The following SNTG1 variants were observed in gnomAD, a reference collection of about 807,000 sequenced individuals.
SNTG1 encodes syntrophin gamma 1.
SNTG1 carries 39 observed loss-of-function variants against 74.7 expected under a neutral mutation model. The ratio of observed to expected loss-of-function variants is 0.52; its 90% confidence interval spans 0.40 to 0.68. SNTG1 has a LOEUF of 0.68. Ranked by LOEUF, SNTG1 falls within the 30% of genes least tolerant of loss-of-function variation. SNTG1 has a pLI of 0.00. For synonymous variants in SNTG1, 254 were observed against 217.1 expected (o/e 1.17, Z -1.49); for missense variants, 685 against 609.5 (o/e 1.12, Z -1.30).
chr8:49,979,831 C>T (rs1445214970), intron 1 of SNTG1, among the ~76,000 whole-genome samples: 1 of 152,276 alleles, frequency 6.6e-6, no homozygotes, highest in African/African-American at 2.4e-5. Flanking sequence ...GCTGTGCGTG[C>T]GTGTGTGTGC....
intron 2 of SNTG1, among the ~76,000 whole-genome samples, chr8:50,383,003 A>C (rs555911323): frequency 6.6e-5 from 10 of 152,308 alleles, no homozygotes; most frequent in Non-Finnish European, 1.2e-4. Context: ...CATTATTGGG[A>C]ATAATCTCCT....
At chr8:50,699,406 A>G (rs1043615493) in intron 15 of SNTG1, among the ~76,000 whole-genome samples, 15 of 152,182 alleles carry the variant, frequency 9.9e-5, no homozygotes, top group African/African-American at 3.6e-4. Flanking sequence ...TGGGGTCCCA[A>G]TATTTGATTT....
chr8:50,205,451 C>T (rs1470156135), intron 2 of SNTG1, among the ~76,000 whole-genome samples: 2 of 152,052 alleles, frequency 1.3e-5, no homozygotes, highest in African/African-American at 2.4e-5. Flanking sequence ...TGTTTAAGTT[C>T]TTTGTAGATT....
intron 8 of SNTG1, among the ~76,000 whole-genome samples, chr8:50,474,693 G>C (rs1417479960): frequency 6.6e-6 from 1 of 152,074 alleles, no homozygotes; most frequent in Admixed American, 6.6e-5. Context: ...TCTAGAACTA[G>C]AAATACCATT....
At chr8:50,370,578 C>T (rs990281990) in intron 2 of SNTG1, among the ~76,000 whole-genome samples, 3 of 149,448 alleles carry the variant, frequency 2.0e-5, no homozygotes, top group Non-Finnish European at 4.4e-5. Context: ...GTAGTCTCCT[C>T]GCCCTTTCAC....
chr8:50,513,777 G>A (rs1262976067), intron 9 of SNTG1, among the ~76,000 whole-genome samples: 1 of 152,212 alleles, frequency 6.6e-6, no homozygotes, highest in African/African-American at 2.4e-5. Context: ...TGCAGTATTA[G>A]GGTGGGAGTG....
chr8:50,289,075 C>T (rs2088944688), intron 2 of SNTG1, among the ~76,000 whole-genome samples: 2 of 152,098 alleles, frequency 1.3e-5, no homozygotes, highest in Admixed American at 1.3e-4. Context: ...TTGCAAAGTT[C>T]CTCTAAGAGG....
intron 4 of SNTG1, among the ~76,000 whole-genome samples, chr8:50,429,566 G>C (rs924351725): frequency 1.3e-5 from 2 of 152,030 alleles, no homozygotes; most frequent in Non-Finnish European, 2.9e-5. Flanking sequence ...TTTGACATTG[G>C]TTCAGGCAAT....
intron 1 of SNTG1, among the ~76,000 whole-genome samples, chr8:50,035,799 C>G (rs536191321): frequency 6.6e-6 from 1 of 152,044 alleles, no homozygotes; most frequent in Non-Finnish European, 1.5e-5. Flanking sequence ...GGGACTGGAC[C>G]GGAACACACA....
chr8:50,500,590 G>A (rs888860062), intron 8 of SNTG1, among the ~76,000 whole-genome samples: 1 of 152,036 alleles, frequency 6.6e-6, no homozygotes, highest in Non-Finnish European at 1.5e-5. Flanking sequence ...TTCTCAATAT[G>A]ACATATACTT....
chr8:50,277,429 A>C (rs2130377052), intron 2 of SNTG1, among the ~76,000 whole-genome samples: 1 of 152,330 alleles, frequency 6.6e-6, no homozygotes, highest in Non-Finnish European at 1.5e-5. Context: ...GACACAGACA[A>C]ATTATATGTA....
intron 1 of SNTG1, among the ~76,000 whole-genome samples, chr8:49,988,082 G>A (rs1444547169): frequency 6.6e-6 from 1 of 152,154 alleles, no homozygotes; most frequent in African/African-American, 2.4e-5. Flanking sequence ...TGTGACTTGT[G>A]AGGAGTGACA....
intron 17 of SNTG1, among the ~76,000 whole-genome samples, chr8:50,751,273 G>A (rs866605874): frequency 7.9e-5 from 12 of 151,956 alleles, no homozygotes; most frequent in African/African-American, 2.4e-4. Flanking sequence ...GGACATGCAT[G>A]TTTTTAGTTT....
intron 8 of SNTG1, among the ~76,000 whole-genome samples, chr8:50,485,507 T>C (rs1037332542): frequency 3.9e-5 from 6 of 152,100 alleles, no homozygotes; most frequent in Admixed American, 1.3e-4. Context: ...ACCCACTTTT[T>C]GATGGGGTTG....
chr8:50,322,341 A>T (rs1016912984), intron 2 of SNTG1, among the ~76,000 whole-genome samples: 2 of 152,022 alleles, frequency 1.3e-5, no homozygotes, highest in African/African-American at 2.4e-5. Context: ...TCAGCACTTT[A>T]AGTATACCAT....
At chr8:50,165,119 T>G (rs2131615709) in intron 1 of SNTG1, among the ~76,000 whole-genome samples, 1 of 152,278 alleles carries the variant, frequency 6.6e-6, no homozygotes, top group Admixed American at 6.5e-5. Flanking sequence ...AGAACAGTGT[T>G]GAGTTCTGCT....
chr8:50,390,174 A>T (rs1394869353), intron 2 of SNTG1, among the ~76,000 whole-genome samples: 2 of 151,906 alleles, frequency 1.3e-5, no homozygotes, highest in African/African-American at 4.8e-5. Context: ...TATGTCCTGA[A>T]TGGTATTGCC....
intron 4 of SNTG1, among the ~76,000 whole-genome samples, chr8:50,408,151 C>G (rs1414072239): frequency 6.6e-6 from 1 of 152,150 alleles, no homozygotes; most frequent in African/African-American, 2.4e-5. Flanking sequence ...AATCAGGTCC[C>G]TAGCATAATT....
At chr8:50,779,505 G>A (rs1226106874) in intron 18 of SNTG1, among the ~76,000 whole-genome samples, 6 of 152,004 alleles carry the variant, frequency 3.9e-5, no homozygotes, top group African/African-American at 1.5e-4. Context: ...CTCTCTGTTT[G>A]TCTTTTATTG....
Sources: allele counts gnomAD v4.1 joint callset (sites outside exome capture counted in the v4.1 genomes callset), GRCh38; gene constraint gnomAD v4.1.1; transcripts MANE v1.5; gene names NCBI Gene and HGNC (gene_info 2026-07-23, HGNC 2026-07-21).